CAMK1D: variants seen among roughly 807,000 people sequenced by gnomAD.
The protein encoded by CAMK1D is calcium/calmodulin-dependent protein kinase type 1D.
A neutral mutation model predicts 47.7 loss-of-function variants in CAMK1D; 9 were observed. The ratio of observed to expected loss-of-function variants is 0.19; its 90% CI spans 0.11 to 0.33. CAMK1D has a LOEUF of 0.33. CAMK1D is among the 10% of genes least tolerant of loss of function. The pLI, the probability that CAMK1D is intolerant of heterozygous loss-of-function variation, is 1.00. For synonymous variants in CAMK1D, 184 were observed against 184.9 expected, an observed-to-expected ratio of 0.99 and a Z score of 0.04; for missense variants, 291 against 488.7, an observed-to-expected ratio of 0.60 and a Z score of 3.81.
chr10:12,505,139 T>C (rs922452445), intron 1 of CAMK1D, among the ~76,000 whole-genome samples: 1 of 152,150 alleles, frequency 6.6e-6, no homozygotes, highest in Admixed American at 6.5e-5. Flanking sequence ...CCCCATCCTA[T>C]CCTGATAGAT....
chr10:12,561,120 T>C (rs1283426892), intron 2 of CAMK1D, among the ~76,000 whole-genome samples: 1 of 152,080 alleles, frequency 6.6e-6, no homozygotes, highest in Non-Finnish European at 1.5e-5. Context: ...GGTTTCACCG[T>C]GTTAGCCAGA....
chr10:12,595,633 A>G (rs1444899452), intron 2 of CAMK1D, among the ~76,000 whole-genome samples: 2 of 151,882 alleles, frequency 1.3e-5, no homozygotes, highest in African/African-American at 4.9e-5. Flanking sequence ...TCTTCTGTCC[A>G]TAGCCCGTTC....
At chr10:12,403,253 C>T (rs367956812) in intron 1 of CAMK1D, among the ~76,000 whole-genome samples, 2 of 152,132 alleles carry the variant, frequency 1.3e-5, no homozygotes, top group Non-Finnish European at 2.9e-5. Context: ...AGTTGGCATC[C>T]GCTTGCCAGC....
Position 12,753,931 on chromosome 10 carries a change from C to T in CAMK1D, c.300-7017C>T, listed in dbSNP as rs866550182. ...TTGAGACAGAGTTTCGCTCTTGTTG[C>T]CCAGGCTGGAGTGCAGTGGTGTGAT... On this transcript the variant is annotated intron_variant, in intron 3 of 10. Transcript: ENST00000619168. 7.2e-5 allele frequency among the ~76,000 whole-genome samples: 11 copies of T among 152,224 alleles called. 1 individual carries two copies. The Middle Eastern group carries it at 0.024, about 329-fold the overall frequency.
chr10:12,409,742 G>C (rs1471639901), intron 1 of CAMK1D, among the ~76,000 whole-genome samples: 1 of 152,130 alleles, frequency 6.6e-6, no homozygotes, highest in African/African-American at 2.4e-5. Context: ...ATTTTTACTT[G>C]TAGAGTTCAG....
intron 3 of CAMK1D, among the ~76,000 whole-genome samples, chr10:12,714,057 C>T (rs1386712572): frequency 3.9e-5 from 6 of 152,182 alleles, no homozygotes; most frequent in Non-Finnish European, 8.8e-5. Flanking sequence ...GAACCCTCAC[C>T]TCCACTGTAA....
At chr10:12,690,883 T>C (rs74117800) in intron 3 of CAMK1D, among the ~76,000 whole-genome samples, 1,928 of 152,264 alleles carry the variant, frequency 0.013, 51 homozygotes, top group African/African-American at 0.044. Context: ...AAGAAAGCCT[T>C]GTGGCACTTA....
chr10:12,387,382 T>C (rs1359374577), intron 1 of CAMK1D, among the ~76,000 whole-genome samples: 1 of 32,786 alleles, frequency 3.1e-5, no homozygotes, highest in African/African-American at 5.1e-5. Flanking sequence ...TATTATATAT[T>C]ATATATATTA....
intron 1 of CAMK1D, among the ~76,000 whole-genome samples, chr10:12,457,025 G>C (rs1158535926): frequency 1.3e-5 from 2 of 152,168 alleles, no homozygotes; most frequent in Admixed American, 6.5e-5. Flanking sequence ...CAGTCAATAA[G>C]GGACTGGTTA....
intron 4 of CAMK1D, among the ~76,000 whole-genome samples, chr10:12,765,744 C>T (rs770779859): frequency 6.6e-6 from 1 of 152,054 alleles, no homozygotes; most frequent in African/African-American, 2.4e-5. Flanking sequence ...GAAGAGCTCT[C>T]TCCTGTAGAG....
At chr10:12,428,384 A>G (rs1228227169) in intron 1 of CAMK1D, among the ~76,000 whole-genome samples, 1 of 152,070 alleles carries the variant, frequency 6.6e-6, no homozygotes, top group Non-Finnish European at 1.5e-5. Flanking sequence ...CTTGTTAAAG[A>G]CTGTCTATTC....
chr10:12,735,215 G>C (rs898383565), intron 3 of CAMK1D, among the ~76,000 whole-genome samples: 1 of 152,196 alleles, frequency 6.6e-6, no homozygotes, highest in Admixed American at 6.5e-5. Flanking sequence ...GGTGGCTCAC[G>C]CCTGTAGTCC....
At chr10:12,479,722 G>A (rs564741051) in intron 1 of CAMK1D, among the ~76,000 whole-genome samples, 1 of 152,320 alleles carries the variant, frequency 6.6e-6, no homozygotes, top group Non-Finnish European at 1.5e-5. Context: ...CAGGAGGCAC[G>A]GGTAGGTTCA....
chr10:12,461,000 G>A (rs1443235151), intron 1 of CAMK1D, among the ~76,000 whole-genome samples: 1 of 152,152 alleles, frequency 6.6e-6, no homozygotes, highest in East Asian at 1.9e-4. Context: ...GGTAGATAAA[G>A]GAAAAAAGTA....
At chr10:12,366,326 T>C (rs1250157010) in intron 1 of CAMK1D, among the ~76,000 whole-genome samples, 1 of 152,092 alleles carries the variant, frequency 6.6e-6, no homozygotes, top group Non-Finnish European at 1.5e-5. Flanking sequence ...GTAGAGAATT[T>C]GAAAAATTTG....
intron 1 of CAMK1D, among the ~76,000 whole-genome samples, chr10:12,523,191 G>A (rs374546335): frequency 1.5e-4 from 23 of 151,568 alleles, no homozygotes; most frequent in South Asian, 6.3e-4. Flanking sequence ...CAGACGGGGC[G>A]GTGGGGCAGA....
At chr10:12,546,033 G>T (rs1372870649) in intron 1 of CAMK1D, among the ~76,000 whole-genome samples, 4 of 152,214 alleles carry the variant, frequency 2.6e-5, no homozygotes, top group Non-Finnish European at 4.4e-5. Flanking sequence ...AGCCTGCGAA[G>T]TTGGGGTTAG....
At chr10:12,681,957 C>A (rs1444413233) in intron 3 of CAMK1D, among the ~76,000 whole-genome samples, 3 of 152,220 alleles carry the variant, frequency 2.0e-5, no homozygotes, top group Non-Finnish European at 2.9e-5. Flanking sequence ...CGGTGGCTCA[C>A]GCCTGTAATC....
At chr10:12,366,333 T>A (rs1837833083) in intron 1 of CAMK1D, among the ~76,000 whole-genome samples, 1 of 151,698 alleles carries the variant, frequency 6.6e-6, no homozygotes, top group South Asian at 2.1e-4. Flanking sequence ...ATTTGAAAAA[T>A]TTGGAAGAAT....
Sources: allele counts gnomAD v4.1 joint callset (sites outside exome capture counted in the v4.1 genomes callset), GRCh38; gene constraint gnomAD v4.1.1; transcripts MANE v1.5; gene names NCBI Gene and HGNC (gene_info 2026-07-23, HGNC 2026-07-21).